GALNT14: variants seen among roughly 807,000 people sequenced by gnomAD.
The protein encoded by GALNT14 is polypeptide N-acetylgalactosaminyltransferase 14.
In GALNT14, 60 loss-of-function variants were observed where a neutral mutation model predicts 77.5. That is an observed-to-expected ratio of 0.77 (90% confidence interval 0.63 to 0.96). The LOEUF (loss-of-function observed/expected upper bound fraction) is 0.96. Among genes scored for constraint, GALNT14 ranks in the 40% least tolerant of loss-of-function variants. GALNT14 has a pLI of 0.00. For synonymous variants in GALNT14, 280 were observed against 281.7 expected (o/e 0.99, Z 0.06); for missense variants, 710 against 731.0 (o/e 0.97, Z 0.33).
the GALNT14 span, among the ~76,000 whole-genome samples, chr2:30,897,506 T>C: frequency 1.3e-5 from 2 of 152,140 alleles, no homozygotes; most frequent in Non-Finnish European, 2.9e-5. Context: ...AGTTTCTAAC[T>C]AAGGGTAAGA....
At chr2:31,079,829 G>A (rs1476891620) in intron 1 of GALNT14, among the ~76,000 whole-genome samples, 3 of 152,110 alleles carry the variant, frequency 2.0e-5, no homozygotes, top group African/African-American at 4.8e-5. Context: ...TGTGGCTCAC[G>A]TAGCTCAGCC....
At chr2:31,072,165 C>T (rs553449343) in intron 1 of GALNT14, among the ~76,000 whole-genome samples, 2 of 152,046 alleles carry the variant, frequency 1.3e-5, no homozygotes, top group Admixed American at 1.3e-4. Flanking sequence ...CTGTGGGGTG[C>T]AGAGGTGGAG....
At chr2:31,125,353 G>A in intron 1 of GALNT14, 1 of 868,662 alleles carries the variant, frequency 1.2e-6, no homozygotes, top group South Asian at 1.5e-5. Flanking sequence ...AAGACTCTGT[G>A]CCCATAGGAA....
intron 1 of GALNT14, among the ~76,000 whole-genome samples, chr2:31,084,041 G>A (rs181524734): frequency 3.3e-5 from 5 of 152,294 alleles, no homozygotes; most frequent in East Asian, 1.9e-4. Flanking sequence ...GGGAGAAAGA[G>A]CGCTGGATTC....
chr2:31,134,258 G>GAATA (rs1679123875), intron 1 of GALNT14, among the ~76,000 whole-genome samples: 1 of 152,182 alleles, frequency 6.6e-6, no homozygotes, highest in African/African-American at 2.4e-5. Context: ...CAACTTCTCT[G>GAATA]AATACATTCA....
At chr2:30,985,523 C>T (rs1037654542) in intron 2 of GALNT14, among the ~76,000 whole-genome samples, 1 of 152,152 alleles carries the variant, frequency 6.6e-6, no homozygotes, top group East Asian at 1.9e-4. Context: ...GCCGTTCCTC[C>T]CCTCTTACCC....
chr2:31,068,585 T>A (rs911119436), intron 1 of GALNT14, among the ~76,000 whole-genome samples: 2 of 151,086 alleles, frequency 1.3e-5, no homozygotes, highest in African/African-American at 4.9e-5. Context: ...GCAGAGCTAC[T>A]CCTGTTCTAC....
chr2:31,098,374 G>C (rs1011523608), intron 1 of GALNT14, among the ~76,000 whole-genome samples: 1 of 152,100 alleles, frequency 6.6e-6, no homozygotes, highest in African/African-American at 2.4e-5. Context: ...TGTATGTGGA[G>C]GACAAGAGGA....
intron 1 of GALNT14, among the ~76,000 whole-genome samples, chr2:31,137,594 C>A (rs982259937): frequency 6.6e-6 from 1 of 151,982 alleles, no homozygotes; most frequent in South Asian, 2.1e-4. Flanking sequence ...GGCGCTGGCC[C>A]GACCCGACCG....
chr2:30,992,635 G>A (rs1233617439), intron 2 of GALNT14, among the ~76,000 whole-genome samples: 2 of 152,190 alleles, frequency 1.3e-5, no homozygotes, highest in Non-Finnish European at 2.9e-5. Context: ...GGACCTGCGG[G>A]GTTTGGGATT....
intron 6 of GALNT14, among the ~76,000 whole-genome samples, chr2:30,949,770 G>A (rs1394613411): frequency 2.0e-5 from 3 of 152,240 alleles, no homozygotes; most frequent in South Asian, 2.1e-4. Context: ...TTTAGGAATC[G>A]TGGCAGGTAC....
Position 31,026,020 on chromosome 2 carries a change from A to T in GALNT14, c.130-33013T>A, listed in dbSNP as rs1284434433. Among the ~76,000 whole-genome samples, 6 of 152,054 alleles carry T rather than the reference A, an allele frequency of 3.9e-5. No individual in the cohort carries two copies. The East Asian group carries it at 1.2e-3, about 29-fold the overall frequency. Reference sequence around the variant, plus strand: ...ACTGATTTAAATGTTAAACATATCTAAAAAAAATCTTCATAGCACACTGGT... The same window carrying T: ...ACTGATTTAAATGTTAAACATATCTTAAAAAAATCTTCATAGCACACTGGT... On this transcript the variant is annotated intron_variant, in intron 1 of 14. Transcript: ENST00000349752.
At chr2:31,003,333 C>A (rs1670478423) in intron 1 of GALNT14, among the ~76,000 whole-genome samples, 1 of 152,182 alleles carries the variant, frequency 6.6e-6, no homozygotes, top group Non-Finnish European at 1.5e-5. Flanking sequence ...AATGAGGTAG[C>A]ACATAATTCA....
chr2:31,027,371 C>T (rs529126440), intron 1 of GALNT14, among the ~76,000 whole-genome samples: 20 of 150,564 alleles, frequency 1.3e-4, no homozygotes, highest in South Asian at 6.3e-4. Flanking sequence ...GAGCTGAGAT[C>T]GCGCCATTGC....
chr2:31,052,190 C>T (rs1415002509), intron 1 of GALNT14, among the ~76,000 whole-genome samples: 3 of 152,176 alleles, frequency 2.0e-5, no homozygotes, highest in Admixed American at 6.5e-5. Context: ...TACCCCCTCC[C>T]GTGGACTCTA....
At chr2:30,987,640 G>A (rs1168313899) in intron 2 of GALNT14, among the ~76,000 whole-genome samples, 1 of 152,120 alleles carries the variant, frequency 6.6e-6, no homozygotes, top group African/African-American at 2.4e-5. Context: ...GGTCCACACC[G>A]CCGGTGCATC....
At chr2:31,101,585 G>A (rs1339196522) in intron 1 of GALNT14, among the ~76,000 whole-genome samples, 1 of 151,626 alleles carries the variant, frequency 6.6e-6, no homozygotes, top group Non-Finnish European at 1.5e-5. Context: ...AAACCTATTT[G>A]CATAGAGCTG....
chr2:30,912,375 G>C (rs1158711273), intron 13 of GALNT14, 33 bp from the exon 14 acceptor site: 1 of 1,610,642 alleles, frequency 6.2e-7, no homozygotes, highest in Non-Finnish European at 8.5e-7. Context: ...GGTTTGTTCA[G>C]GATCCAGGAA....
chr2:31,037,052 C>A (rs4952031), intron 1 of GALNT14, among the ~76,000 whole-genome samples: 67,599 of 151,868 alleles, frequency 0.45, 15,369 homozygotes, highest in East Asian at 0.55. Flanking sequence ...GAGTGTTTGG[C>A]TATTATTTCT....
Sources: gnomAD v4.1 joint callset for allele counts (sites outside exome capture counted in the v4.1 genomes callset) on GRCh38, gnomAD v4.1.1 for gene constraint, MANE v1.5 for transcripts, NCBI Gene and HGNC (gene_info 2026-07-23, HGNC 2026-07-21) for gene names.